RANBP2: variants seen among roughly 807,000 people sequenced by gnomAD.
RANBP2 encodes the protein E3 SUMO-protein ligase RanBP2.
RANBP2 carries 57 observed loss-of-function variants against 303.6 expected under a neutral mutation model. The observed-to-expected ratio is 0.19, with a 90% CI of 0.15 to 0.23. The LOEUF is 0.23. RANBP2 is among the 10% of genes least tolerant of loss of function. The pLI is 1.00. For synonymous variants in RANBP2, 1,167 were observed against 1,301.5 expected, an observed-to-expected ratio of 0.90 and a Z score of 2.23; for missense variants, 3,138 against 3,780.8, an observed-to-expected ratio of 0.83 and a Z score of 4.46.
At chr2:109,151,863 G>T in the RANBP2 span, among the ~76,000 whole-genome samples, 1 of 152,196 alleles carries the variant, frequency 6.6e-6, no homozygotes, top group East Asian at 1.9e-4. Flanking sequence ...TATGATTTCC[G>T]AATTGTCATC....
the RANBP2 span, chr2:108,812,866 A>G: frequency 3.7e-6 from 6 of 1,613,432 alleles, no homozygotes; most frequent in Non-Finnish European, 5.1e-6. Context: ...GGAAGTTCCC[A>G]TGCTGTTCAT....
At chr2:109,082,192 T>A in the RANBP2 span, among the ~76,000 whole-genome samples, 1 of 152,354 alleles carries the variant, frequency 6.6e-6, no homozygotes, top group African/African-American at 2.4e-5. Flanking sequence ...GACTTCTGCT[T>A]CCAGACTTCA....
At chr2:108,925,513 G>C in the RANBP2 span, among the ~76,000 whole-genome samples, 2 of 152,238 alleles carry the variant, frequency 1.3e-5, no homozygotes, top group African/African-American at 4.8e-5. Flanking sequence ...TGGGCACGAG[G>C]CACCTTCTGT....
At chr2:108,798,398 A>T in the RANBP2 span, 2 of 1,585,842 alleles carry the variant, frequency 1.3e-6, no homozygotes. Flanking sequence ...TGACTTTTCA[A>T]GAGCATTAAA....
chr2:109,055,401 A>T, the RANBP2 span, among the ~76,000 whole-genome samples: 25 of 136,862 alleles, frequency 1.8e-4, no homozygotes, highest in African/African-American at 6.1e-4. Context: ...TCACTCTGTC[A>T]CCCAGGCTGG....
chr2:109,120,167 A>G, the RANBP2 span, among the ~76,000 whole-genome samples: 87 of 152,196 alleles, frequency 5.7e-4, no homozygotes, highest in Non-Finnish European at 1.1e-3. Context: ...ATCCCTGCTC[A>G]CTGCAGGCTA....
the RANBP2 span, among the ~76,000 whole-genome samples, chr2:109,069,059 C>T: frequency 2.6e-5 from 4 of 152,176 alleles, no homozygotes; most frequent in Admixed American, 2.0e-4. Context: ...CTTTAAAATA[C>T]ATTGCACATA....
the RANBP2 span, among the ~76,000 whole-genome samples, chr2:108,913,074 A>G: frequency 2.0e-5 from 3 of 150,374 alleles, no homozygotes; most frequent in Non-Finnish European, 4.4e-5. Flanking sequence ...TCAGCCTCCC[A>G]AGTAACTGGG....
the RANBP2 span, among the ~76,000 whole-genome samples, chr2:108,971,805 G>C: frequency 6.6e-6 from 1 of 152,196 alleles, no homozygotes; most frequent in Non-Finnish European, 1.5e-5. Flanking sequence ...TCCTCTCCCT[G>C]TGTGAACGGG....
the RANBP2 span, among the ~76,000 whole-genome samples, chr2:109,532,800 A>C: frequency 6.6e-6 from 1 of 152,202 alleles, no homozygotes; most frequent in African/African-American, 2.4e-5. Context: ...TGCATGATGC[A>C]GAATTGCTGT....
At chr2:109,564,358 C>T in the RANBP2 span, 9,379 of 1,538,600 alleles carry the variant, frequency 6.1e-3, 39 homozygotes, top group Non-Finnish European at 7.6e-3. Flanking sequence ...CCAAGAACCC[C>T]ACCCTACCTG....
At chr2:109,277,083 C>T in the RANBP2 span, among the ~76,000 whole-genome samples, 2 of 152,150 alleles carry the variant, frequency 1.3e-5, no homozygotes, top group East Asian at 3.8e-4. Flanking sequence ...GTCAGCCCCA[C>T]GCCGGCGGTC....
chr2:109,129,654 C>G, the RANBP2 span: 3 of 1,502,838 alleles, frequency 2.0e-6, no homozygotes, highest in African/African-American at 1.5e-5. Context: ...CGGCGGCCAC[C>G]GCCGCGGGGG....
In RANBP2 at chr2:108,782,572, AAAG is replaced by A; in HGVS notation, c.9083_9085del (p.Glu3028del). On this transcript the variant is annotated inframe_deletion, in exon 28 of 29. Transcript: ENST00000283195. ...ACAGCTTGCAGTGAGATTTAAAACT[AAAG>A]AAGTAGCTGATTGTTTCAAGAAAAC... 6.2e-7 allele frequency: 1 copy of A among 1,614,240 alleles called. No individual in the cohort carries two copies. The highest frequency in any genetic ancestry group is 8.5e-7 in the Non-Finnish European group (1 of 1,180,038).
chr2:109,016,279 A>G, the RANBP2 span, among the ~76,000 whole-genome samples: 11 of 151,742 alleles, frequency 7.2e-5, no homozygotes, highest in Middle Eastern at 6.8e-3. Context: ...TAGTAGAGAC[A>G]GGGTTTCACC....
chr2:109,505,778 C>G, the RANBP2 span, among the ~76,000 whole-genome samples: 1 of 152,210 alleles, frequency 6.6e-6, no homozygotes, highest in Non-Finnish European at 1.5e-5. Flanking sequence ...AATGTCAAGT[C>G]TACCCTCAGA....
At chr2:109,432,722 C>A in the RANBP2 span, 1 of 1,563,256 alleles carries the variant, frequency 6.4e-7, no homozygotes, top group South Asian at 1.2e-5. Context: ...AGGGCCTGCA[C>A]GCCTTACCGC....
chr2:109,718,716 A>G, the RANBP2 span, among the ~76,000 whole-genome samples: 1 of 152,154 alleles, frequency 6.6e-6, no homozygotes, highest in Non-Finnish European at 1.5e-5. Flanking sequence ...GCAGTGGCTC[A>G]CGCCTGTAAT....
At chr2:108,981,655 C>G in the RANBP2 span, among the ~76,000 whole-genome samples, 1,148 of 152,282 alleles carry the variant, frequency 7.5e-3, 12 homozygotes, top group Middle Eastern at 0.024. Flanking sequence ...TATCCCCACA[C>G]CCGAGATAGT....
Sources: gnomAD v4.1 joint callset for allele counts (sites outside exome capture counted in the v4.1 genomes callset) on GRCh38, gnomAD v4.1.1 for gene constraint, MANE v1.5 for transcripts, NCBI Gene and HGNC (gene_info 2026-07-23, HGNC 2026-07-21) for gene names.